The following NRG3 variants were observed in gnomAD, a reference collection of about 807,000 sequenced individuals.
NRG3 encodes neuregulin 3, also known as pro-neuregulin-3, membrane-bound isoform.
In NRG3, 31 loss-of-function variants were observed where a neutral mutation model predicts 66.9. The ratio of observed to expected loss-of-function variants is 0.46; its 90% CI spans 0.35 to 0.63. NRG3 has a LOEUF of 0.63. Ranked by LOEUF, NRG3 falls within the 20% of genes least tolerant of loss-of-function variation. The probability of loss-of-function intolerance (pLI) is 0.00; values close to 1 mark genes in which losing one functional copy is unlikely to be tolerated. For synonymous variants in NRG3, 393 were observed against 359.4 expected (o/e 1.09, Z -1.06); for missense variants, 910 against 878.9 (o/e 1.04, Z -0.45).
At chr10:82,908,023 A>G (rs970143585) in intron 4 of NRG3, among the ~76,000 whole-genome samples, 2 of 152,178 alleles carry the variant, frequency 1.3e-5, no homozygotes, top group Non-Finnish European at 2.9e-5. Flanking sequence ...TGAAGACATT[A>G]TGGATAAAGT....
intron 5 of NRG3, among the ~76,000 whole-genome samples, chr10:82,955,876 T>C (rs1849994371): frequency 6.6e-6 from 1 of 151,944 alleles, no homozygotes; most frequent in Admixed American, 6.5e-5. Flanking sequence ...TTACCTCCAA[T>C]GATGCATCGA....
chr10:82,586,590 A>G (rs1316738575), intron 2 of NRG3, among the ~76,000 whole-genome samples: 1 of 152,230 alleles, frequency 6.6e-6, no homozygotes, highest in Non-Finnish European at 1.5e-5. Flanking sequence ...TTGGGTTGTT[A>G]TAATGAGTAA....
Position 82,166,763 on chromosome 10 carries a change from T to C in NRG3, c.824-191976T>C, listed in dbSNP as rs532293653. The C allele has an allele frequency of 9.4e-5, 64 of 681,624 alleles. No homozygotes were observed. The East Asian group carries it at 1.7e-3, about 19-fold the overall frequency. 42.2% of individuals were successfully genotyped at this position (681,624 alleles called of 1,614,324 possible). A position where few individuals can be genotyped will look rare whatever the true frequency, so the allele number is the denominator to read the frequency against. ...CATCTGGTATTATTTTCCTTCTGCC[T>C]GGAGGACTTGCTTTAACATTTCAAG... On this transcript the variant is annotated intron_variant, in intron 1 of 8. Coordinates refer to ENST00000372141, the MANE Select transcript of NRG3 (RefSeq NM_001010848.4).
At chr10:82,552,489 A>C (rs1281781598) in intron 2 of NRG3, among the ~76,000 whole-genome samples, 1 of 152,160 alleles carries the variant, frequency 6.6e-6, no homozygotes, top group African/African-American at 2.4e-5. Context: ...GTATTGACTG[A>C]TAACTTTTTT....
At chr10:82,874,683 C>T (rs988507022) in intron 4 of NRG3, among the ~76,000 whole-genome samples, 2 of 152,142 alleles carry the variant, frequency 1.3e-5, no homozygotes, top group South Asian at 4.1e-4. Flanking sequence ...CTATTTATAT[C>T]GCTATCTTAC....
At chr10:82,853,493 G>A (rs1324453123) in intron 3 of NRG3, among the ~76,000 whole-genome samples, 1 of 152,106 alleles carries the variant, frequency 6.6e-6, no homozygotes, top group African/African-American at 2.4e-5. Flanking sequence ...AGTTTTCCTT[G>A]TAGAGGTCTT....
At chr10:82,589,871 A>T (rs1014025155) in intron 2 of NRG3, among the ~76,000 whole-genome samples, 1 of 152,186 alleles carries the variant, frequency 6.6e-6, no homozygotes, top group African/African-American at 2.4e-5. Flanking sequence ...CATAGTATAA[A>T]ATCAGGATCA....
intron 1 of NRG3, among the ~76,000 whole-genome samples, chr10:82,046,128 G>A (rs1282461067): frequency 1.4e-5 from 2 of 146,178 alleles, no homozygotes; most frequent in African/African-American, 5.0e-5. Context: ...GCTTTATGGG[G>A]ATGGCATTGA....
At chr10:82,856,218 A>G (rs2063795240) in intron 3 of NRG3, among the ~76,000 whole-genome samples, 1 of 152,162 alleles carries the variant, frequency 6.6e-6, no homozygotes, top group African/African-American at 2.4e-5. Context: ...TACTCATGCA[A>G]TAAATACATA....
chr10:82,410,327 G>A (rs770366661), intron 2 of NRG3, among the ~76,000 whole-genome samples: 10 of 151,728 alleles, frequency 6.6e-5, no homozygotes, highest in Non-Finnish European at 1.5e-4. Flanking sequence ...CTTAATGAAG[G>A]CATTGATAAT....
chr10:82,442,135 A>T (rs1377952427), intron 2 of NRG3, among the ~76,000 whole-genome samples: 4 of 152,090 alleles, frequency 2.6e-5, no homozygotes, highest in Non-Finnish European at 4.4e-5. Context: ...TTAATTAATG[A>T]TTGATGCATG....
chr10:82,852,933 A>G (rs1475133171), intron 3 of NRG3, among the ~76,000 whole-genome samples: 1 of 152,182 alleles, frequency 6.6e-6, no homozygotes, highest in Non-Finnish European at 1.5e-5. Context: ...AGTTTCCTCC[A>G]TTGCAGTCAA....
At chr10:82,018,052 G>C (rs2061872476) in intron 1 of NRG3, among the ~76,000 whole-genome samples, 3 of 152,060 alleles carry the variant, frequency 2.0e-5, no homozygotes, top group Admixed American at 2.0e-4. Context: ...TTCTTCTAGG[G>C]TTTTTATGGT....
At chr10:82,036,879 A>G (rs919722580) in intron 1 of NRG3, among the ~76,000 whole-genome samples, 5 of 152,116 alleles carry the variant, frequency 3.3e-5, no homozygotes, top group African/African-American at 1.2e-4. Flanking sequence ...GTTCAAGGTC[A>G]CTGTTTAACG....
intron 2 of NRG3, among the ~76,000 whole-genome samples, chr10:82,643,008 G>GC (rs1445005749): frequency 1.3e-5 from 2 of 151,988 alleles, no homozygotes; most frequent in Admixed American, 1.3e-4. Context: ...GCGGAAGGTA[G>GC]CCACAAGATA....
intron 3 of NRG3, among the ~76,000 whole-genome samples, chr10:82,810,534 A>C (rs2061448285): frequency 6.6e-6 from 1 of 152,052 alleles, no homozygotes; most frequent in Admixed American, 6.6e-5. Flanking sequence ...AGGCCGAGGC[A>C]GGTGGATCAC....
chr10:82,461,226 A>AC (rs1029477362), intron 2 of NRG3, among the ~76,000 whole-genome samples: 57 of 147,930 alleles, frequency 3.9e-4, no homozygotes, highest in African/African-American at 1.5e-3. Context: ...ACCACCATCA[A>AC]CACCACCACC....
At chr10:82,676,664 A>G (rs375567404) in intron 2 of NRG3, among the ~76,000 whole-genome samples, 37 of 151,952 alleles carry the variant, frequency 2.4e-4, no homozygotes, top group African/African-American at 8.9e-4. Flanking sequence ...TTGTATTTTT[A>G]GTAGAGACAG....
At chr10:82,049,580 CT>C (rs1399783162) in intron 1 of NRG3, among the ~76,000 whole-genome samples, 2 of 151,990 alleles carry the variant, frequency 1.3e-5, no homozygotes, top group Non-Finnish European at 2.9e-5. Context: ...GTTGTTTCTG[CT>C]TTTTCTTTTC....
Sources: gnomAD v4.1 joint callset for allele counts (sites outside exome capture counted in the v4.1 genomes callset) on GRCh38, gnomAD v4.1.1 for gene constraint, MANE v1.5 for transcripts, NCBI Gene and HGNC (gene_info 2026-07-23, HGNC 2026-07-21) for gene names.